The following STX18 variants were observed in gnomAD, a reference collection of about 807,000 sequenced individuals.
STX18 encodes the protein syntaxin 18.
A neutral mutation model predicts 50.1 loss-of-function variants in STX18; 40 were observed. That is an observed-to-expected ratio of 0.80 (90% CI 0.62 to 1.04). STX18 has a LOEUF of 1.04. Among genes scored for constraint, STX18 ranks in the 50% least tolerant of loss-of-function variants. STX18 has a pLI of 0.00. For missense variants in STX18, 410 were observed against 415.8 expected (o/e 0.99, Z 0.12); for synonymous variants, 158 against 151.8 (o/e 1.04, Z -0.30).
chr4:4,525,679 T>G (rs1430955501), intron 1 of STX18, among the ~76,000 whole-genome samples: 1 of 152,146 alleles, frequency 6.6e-6, no homozygotes, highest in Non-Finnish European at 1.5e-5. Context: ...GCTCTCTCCT[T>G]TTCCATCCCC....
chr4:4,493,361 AAG>A (rs994202844), intron 1 of STX18, among the ~76,000 whole-genome samples: 6 of 150,890 alleles, frequency 4.0e-5, no homozygotes, highest in African/African-American at 1.5e-4. Context: ...TCAGGGAATC[AAG>A]ACATCGTGGT....
chr4:4,429,885 C>T (rs1005416716), intron 7 of STX18, among the ~76,000 whole-genome samples: 9 of 152,104 alleles, frequency 5.9e-5, no homozygotes, highest in Non-Finnish European at 8.8e-5. Context: ...CCTTGGAAGA[C>T]GCCTTTCATG....
intron 5 of STX18, among the ~76,000 whole-genome samples, chr4:4,438,767 G>A (rs1446440704): frequency 6.6e-6 from 1 of 151,990 alleles, no homozygotes; most frequent in African/African-American, 2.4e-5. Flanking sequence ...TGCAGGGGGA[G>A]GCTGCAGTTG....
chr4:4,519,913 G>A (rs1008548553), intron 1 of STX18, among the ~76,000 whole-genome samples: 1 of 152,172 alleles, frequency 6.6e-6, no homozygotes, highest in African/African-American at 2.4e-5. Context: ...ACTGAAATTA[G>A]GATTGGTGAG....
intron 5 of STX18, among the ~76,000 whole-genome samples, chr4:4,441,216 G>A (rs901280605): frequency 3.3e-5 from 5 of 152,176 alleles, no homozygotes; most frequent in South Asian, 4.2e-4. Context: ...ACACATTCAC[G>A]ATGGTCCACT....
intron 1 of STX18, among the ~76,000 whole-genome samples, chr4:4,539,201 G>A (rs1050561038): frequency 6.6e-6 from 1 of 152,236 alleles, no homozygotes; most frequent in Middle Eastern, 3.4e-3. Context: ...CAGATAAAAC[G>A]CATCCTAGAA....
chr4:4,507,661 A>G, intron 1 of STX18: 1 of 795,880 alleles, frequency 1.3e-6, no homozygotes, highest in South Asian at 1.3e-5. Flanking sequence ...GCCGGCTCAT[A>G]AAGGTTCGTT....
chr4:4,514,709 A>T (rs914206240), intron 1 of STX18, among the ~76,000 whole-genome samples: 1 of 152,124 alleles, frequency 6.6e-6, no homozygotes, highest in African/African-American at 2.4e-5. Flanking sequence ...ATAAAATCCA[A>T]ACCACCAAAG....
intron 1 of STX18, among the ~76,000 whole-genome samples, chr4:4,512,796 G>T (rs1730061260): frequency 6.6e-6 from 1 of 152,140 alleles, no homozygotes. Context: ...ACCCACAGAT[G>T]AAAACTGGGA....
chr4:4,507,820 A>T, intron 1 of STX18: 2 of 675,088 alleles, frequency 3.0e-6, no homozygotes, highest in Non-Finnish European at 4.9e-6. Context: ...CACAGTAAAA[A>T]AAAAAAAAAA....
chr4:4,470,296 C>CTA (rs58587607), intron 2 of STX18, among the ~76,000 whole-genome samples: 11,228 of 152,098 alleles, frequency 0.074, 1,325 homozygotes, highest in African/African-American at 0.25. Context: ...CCACTAAATG[C>CTA]GCAATACTCC....
intron 2 of STX18, among the ~76,000 whole-genome samples, chr4:4,464,901 C>T (rs567936027): frequency 2.4e-4 from 37 of 151,044 alleles, no homozygotes; most frequent in African/African-American, 8.5e-4. Flanking sequence ...TTTTTCGAAG[C>T]GTTTTTTTTT....
chr4:4,453,907 G>A (rs1473455534), intron 5 of STX18, among the ~76,000 whole-genome samples: 1 of 152,178 alleles, frequency 6.6e-6, no homozygotes. Context: ...TCCAAGTGTG[G>A]TCCATGGAAC....
chr4:4,507,686 C>G, intron 1 of STX18: 1 of 854,078 alleles, frequency 1.2e-6, no homozygotes, highest in Non-Finnish European at 2.0e-6. Flanking sequence ...CAAAGCCCAG[C>G]AGAACAACGT....
Position 4,541,843 on chromosome 4 carries a change from C to T in STX18, c.122G>A (p.Arg41Gln). The change falls in exon 1 of 11, where the codon CGG becomes CAG. Residue 41 changes from arginine (R) to glutamine (Q), a missense_variant. Transcript: ENST00000306200. ...VDGSRDELFR[R>Q]SPRPKGDFSS... ...GAAGTCGCCCTTGGGCCGGGGGCTC[C>T]GGCGGAACAGCTCGTCCCGGCTGCC... 2.5e-6 allele frequency: 4 copies of T among 1,611,382 alleles called. No individual in the cohort carries two copies. Among genetic ancestry groups the T allele is most frequent in the Non-Finnish European group, 3.4e-6 (4 of 1,179,258 alleles).
chr4:4,448,578 G>T (rs1726562281), intron 5 of STX18, among the ~76,000 whole-genome samples: 1 of 152,138 alleles, frequency 6.6e-6, no homozygotes, highest in Non-Finnish European at 1.5e-5. Flanking sequence ...CTGATCTCAA[G>T]TGATCCACCT....
At chr4:4,466,070 G>A (rs998604761) in intron 2 of STX18, among the ~76,000 whole-genome samples, 2 of 152,118 alleles carry the variant, frequency 1.3e-5, no homozygotes, top group African/African-American at 4.8e-5. Flanking sequence ...AAGTGATTAC[G>A]AACAAATTAC....
At chr4:4,422,989 G>A (rs1725045620) in intron 9 of STX18, among the ~76,000 whole-genome samples, 1 of 152,208 alleles carries the variant, frequency 6.6e-6, no homozygotes, top group Non-Finnish European at 1.5e-5. Context: ...CACTTGAAAA[G>A]AACAATCCTA....
At chr4:4,516,906 C>T (rs1259337892) in intron 1 of STX18, among the ~76,000 whole-genome samples, 2 of 152,042 alleles carry the variant, frequency 1.3e-5, no homozygotes, top group Non-Finnish European at 2.9e-5. Flanking sequence ...GTATTTGGTC[C>T]CTTCAGTGTA....
Sources: allele counts gnomAD v4.1 joint callset (sites outside exome capture counted in the v4.1 genomes callset), GRCh38; gene constraint gnomAD v4.1.1; transcripts MANE v1.5; gene names NCBI Gene and HGNC (gene_info 2026-07-23, HGNC 2026-07-21).